MAP2: variants seen among roughly 807,000 people sequenced by gnomAD.
The protein encoded by MAP2 is microtubule-associated protein 2.
MAP2 carries 14 observed loss-of-function variants against 137.6 expected under a neutral mutation model. The observed-to-expected ratio is 0.10, with a 90% CI of 0.07 to 0.16. The LOEUF (loss-of-function observed/expected upper bound fraction) is 0.16. Among genes scored for constraint, MAP2 ranks in the 10% least tolerant of loss-of-function variants. The pLI is 1.00. For synonymous variants in MAP2, 786 were observed against 782.3 expected (o/e 1.00, Z -0.08); for missense variants, 2,088 against 2,191.5 (o/e 0.95, Z 0.94).
rs746629386 is a variant in MAP2, at chr2:209,730,288, G to A, written c.5375G>A (p.Arg1792Gln). 1.1e-5 allele frequency: 17 copies of A among 1,614,068 alleles called. No homozygotes were observed. Among genetic ancestry groups the A allele is most frequent in the Admixed American group, 8.3e-5 (5 of 60,010 alleles). The change falls in exon 16 of 16, where the codon CGA becomes CAA. Residue 1792 changes from arginine (R) to glutamine (Q), a missense_variant. Physicochemically the swap from Arg to Gln is conservative, Grantham distance 43 (BLOSUM62 1). Coordinates refer to ENST00000682079, the MANE Select transcript of MAP2 (RefSeq NM_001375505.1). The stretch of plus-strand genomic sequence containing the variant: ...GGCAGATCCAGCGTGGCATCACCCC[G>A]ACGACTCAGCAATGTCTCCTCGTCT... ...SPGRSSVASP[R>Q]RLSNVSSSGS...
intron 3 of MAP2, among the ~76,000 whole-genome samples, chr2:209,601,063 T>G (rs772586881): frequency 2.7e-4 from 41 of 152,170 alleles, no homozygotes; most frequent in Non-Finnish European, 4.9e-4. Flanking sequence ...TTCTCACCAG[T>G]AAATTTCAAT....
intron 4 of MAP2, among the ~76,000 whole-genome samples, chr2:209,646,373 T>C (rs2153591471): frequency 6.6e-6 from 1 of 152,342 alleles, no homozygotes; most frequent in East Asian, 1.9e-4. Context: ...TGGCTGCCTA[T>C]GGGCAAGTCC....
rs976365071 is a variant in MAP2 at position 209,696,159 on chromosome 2, A to G, written c.3989A>G (p.Glu1330Gly). The change falls in exon 8 of 16, where the codon GAG becomes GGG. Residue 1330 changes from glutamate to glycine, a missense_variant. Physicochemically the swap from Glu to Gly is moderately conservative, Grantham distance 98 (BLOSUM62 -2). Around this residue, in one of 6 missense-constraint regions of MAP2, gnomAD observed 591 missense variants for 642.6 expected, o/e 0.92. Coordinates refer to ENST00000682079, the MANE Select transcript of MAP2 (RefSeq NM_001375505.1). ...AGACCATCTCCTCATGATGAAGAAG[A>G]GTTTGAAGTAGAAGAGGCAGCTGAA... Reference protein sequence around the residue: ...ERRPSPHDEEEFEVEEAAEAQ... With the variant: ...ERRPSPHDEEGFEVEEAAEAQ... 6.2e-7 allele frequency: 1 copy of G among 1,612,448 alleles called. No homozygotes were observed. Among genetic ancestry groups the G allele is most frequent in the Non-Finnish European group, 8.5e-7 (1 of 1,179,444 alleles).
intron 3 of MAP2, among the ~76,000 whole-genome samples, chr2:209,589,701 T>C (rs1579423136): frequency 6.6e-6 from 1 of 152,326 alleles, no homozygotes; most frequent in East Asian, 1.9e-4. Context: ...ATATTATTGA[T>C]GTAAAACACA....
chr2:209,668,437 T>C (rs1208094034), intron 5 of MAP2, among the ~76,000 whole-genome samples: 9 of 152,100 alleles, frequency 5.9e-5, no homozygotes, highest in Non-Finnish European at 8.8e-5. Flanking sequence ...ATTATTTGTT[T>C]TTTATTTGTC....
chr2:209,545,242 C>G (rs2153275122), intron 2 of MAP2, among the ~76,000 whole-genome samples: 1 of 152,294 alleles, frequency 6.6e-6, no homozygotes, highest in African/African-American at 2.4e-5. Context: ...ACTTTACCAT[C>G]TGTCTGTGCT....
chr2:209,497,834 CTCCTACTAG>C (rs1197545282), intron 1 of MAP2, among the ~76,000 whole-genome samples: 2 of 152,166 alleles, frequency 1.3e-5, no homozygotes, highest in Non-Finnish European at 2.9e-5. Context: ...ATCCAAACCC[CTCCTACTAG>C]GCCCCACCTC....
intron 5 of MAP2, among the ~76,000 whole-genome samples, chr2:209,668,961 T>G (rs1478425877): frequency 6.6e-6 from 1 of 152,086 alleles, no homozygotes; most frequent in Non-Finnish European, 1.5e-5. Context: ...GATTATATAT[T>G]CAGTTATGAT....
chr2:209,450,231 C>T (rs1345528289), intron 1 of MAP2, among the ~76,000 whole-genome samples: 5 of 152,130 alleles, frequency 3.3e-5, no homozygotes, highest in African/African-American at 4.8e-5. Flanking sequence ...TGTGAGCCAC[C>T]GTGCACAGCC....
chr2:209,511,768 C>T (rs957155070), intron 2 of MAP2, among the ~76,000 whole-genome samples: 4 of 152,022 alleles, frequency 2.6e-5, no homozygotes, highest in Non-Finnish European at 4.4e-5. Flanking sequence ...GACTGAGTCT[C>T]GCTTTGTTGC....
intron 2 of MAP2, among the ~76,000 whole-genome samples, chr2:209,569,900 CATA>C (rs1167974741): frequency 2.6e-5 from 4 of 151,726 alleles, no homozygotes; most frequent in Admixed American, 2.6e-4. Flanking sequence ...TCAAAACAAT[CATA>C]ATAAGCCCAA....
At chr2:209,544,832 A>T (rs2067725947) in intron 2 of MAP2, among the ~76,000 whole-genome samples, 1 of 152,206 alleles carries the variant, frequency 6.6e-6, no homozygotes, top group African/African-American at 2.4e-5. Flanking sequence ...AGGTTGGAAT[A>T]GATATTATGT....
In MAP2 at chr2:209,680,098, T is replaced by C. The variant is rs112075368; in HGVS notation, c.377-652T>C. Among the ~76,000 whole-genome samples the C allele has an allele frequency of 4.0e-4, 61 of 152,290 alleles. 1 individual carries two copies. Among genetic ancestry groups the C allele is most frequent in the African/African-American group, 1.4e-3 (58 of 41,574 alleles). On this transcript the variant is annotated intron_variant, in intron 6 of 15. Coordinates refer to ENST00000682079, the MANE Select transcript of MAP2 (RefSeq NM_001375505.1). ...AATTACATCTTTTAGAACCTTTTTC[T>C]CTGGTTCCTTTTCATGTGTATTGAT...
chr2:209,728,744 A>G (rs2075034908), intron 14 of MAP2, among the ~76,000 whole-genome samples: 1 of 152,320 alleles, frequency 6.6e-6, no homozygotes, highest in African/African-American at 2.4e-5. Context: ...TTTCAAAATC[A>G]AACTCCCAAG....
intron 1 of MAP2, among the ~76,000 whole-genome samples, chr2:209,468,294 A>T (rs999765128): frequency 2.6e-4 from 36 of 139,744 alleles, no homozygotes; most frequent in Non-Finnish European, 4.7e-4. Context: ...AGTCTCATGG[A>T]GGATTTTTTC....
At chr2:209,504,281 C>T (rs1027993476) in intron 1 of MAP2, among the ~76,000 whole-genome samples, 12 of 151,780 alleles carry the variant, frequency 7.9e-5, no homozygotes, top group Non-Finnish European at 1.0e-4. Flanking sequence ...AAAAAAATCC[C>T]ACAGTATCAT....
intron 1 of MAP2, among the ~76,000 whole-genome samples, chr2:209,484,223 G>T (rs145507494): frequency 1.3e-5 from 2 of 152,222 alleles, no homozygotes; most frequent in Non-Finnish European, 2.9e-5. Context: ...CCTGAGTGCA[G>T]TAGAAAGGCA....
chr2:209,470,396 G>A (rs964915959), intron 1 of MAP2, among the ~76,000 whole-genome samples: 2 of 151,558 alleles, frequency 1.3e-5, no homozygotes, highest in African/African-American at 2.4e-5. Context: ...CTGTAATTAC[G>A]CATACATCTC....
In MAP2 at chr2:209,561,596, AGGC is replaced by A. The variant is rs1373449300; in HGVS notation, c.-171-18439_-171-18437del. ...ATGTGTAAAGTGCTTAATATAGTGTAGGCAAATTATAAGCACACATCAAATATT... is the reference window on the plus strand; with the variant it reads ...ATGTGTAAAGTGCTTAATATAGTGTAAAATTATAAGCACACATCAAATATT... On this transcript the variant is annotated intron_variant, in intron 2 of 15. Coordinates refer to ENST00000682079, the MANE Select transcript of MAP2 (RefSeq NM_001375505.1). 2.6e-4 allele frequency among the ~76,000 whole-genome samples: 39 copies of A among 152,328 alleles called. No individual in the cohort carries two copies. In the East Asian group the frequency reaches 7.5e-3, roughly 29 times the overall value.
Sources: allele counts gnomAD v4.1 joint callset (sites outside exome capture counted in the v4.1 genomes callset), GRCh38; gene constraint gnomAD v4.1.1; regional missense constraint gnomAD v4.1.1; transcripts MANE v1.5; gene names NCBI Gene and HGNC (gene_info 2026-07-23, HGNC 2026-07-21).